LRP1B: variants seen among roughly 807,000 people sequenced by gnomAD.
The protein encoded by LRP1B is LDL receptor related protein 1B.
In LRP1B, 217 loss-of-function variants were observed where a neutral mutation model predicts 556.6. The observed-to-expected ratio is 0.39, with a 90% confidence interval of 0.35 to 0.44. LRP1B has a LOEUF of 0.44. Among genes scored for constraint, LRP1B ranks in the 20% least tolerant of loss-of-function variants. The pLI is 1.00. For synonymous variants in LRP1B, 2,047 were observed against 1,865.8 expected, an observed-to-expected ratio of 1.10 and a Z score of -2.50; for missense variants, 5,053 against 5,620.8, an observed-to-expected ratio of 0.90 and a Z score of 3.23.
intron 3 of LRP1B, among the ~76,000 whole-genome samples, chr2:141,316,278 T>C (rs892649886): frequency 2.0e-5 from 3 of 152,182 alleles, no homozygotes. Context: ...AAATTAAAAA[T>C]GAAGCTTGAG....
chr2:140,413,132 T>A (rs1219315929), intron 66 of LRP1B, among the ~76,000 whole-genome samples: 1 of 152,174 alleles, frequency 6.6e-6, no homozygotes, highest in African/African-American at 2.4e-5. Context: ...GTAGACTGGT[T>A]CCACTATTTT....
chr2:141,639,220 A>G (rs1264182166), intron 2 of LRP1B, among the ~76,000 whole-genome samples: 6 of 138,582 alleles, frequency 4.3e-5, no homozygotes, highest in African/African-American at 1.3e-4. Context: ...TGGTCTTTGC[A>G]TGGTCTCTTC....
At chr2:141,681,319 A>T (rs993084894) in intron 2 of LRP1B, among the ~76,000 whole-genome samples, 3 of 151,976 alleles carry the variant, frequency 2.0e-5, no homozygotes. Context: ...CTATTGATTA[A>T]ATGTATTGTG....
intron 43 of LRP1B, among the ~76,000 whole-genome samples, chr2:140,559,843 T>C (rs1680866723): frequency 6.6e-6 from 1 of 151,408 alleles, no homozygotes; most frequent in South Asian, 2.1e-4. Context: ...TGGAAGAAAC[T>C]AATTGAAATT....
In LRP1B at chr2:140,525,975, T is replaced by C; in HGVS notation, c.7895A>G (p.His2632Arg). The C allele has an allele frequency of 6.2e-7, 1 of 1,612,116 alleles. No individual in the cohort carries two copies. The highest frequency in any genetic ancestry group is 8.5e-7 in the Non-Finnish European group (1 of 1,178,826). The change falls in exon 49 of 91, where the codon CAT (histidine) becomes CGT (arginine). Residue 2632 changes from histidine to arginine, a missense_variant. Coordinates refer to ENST00000389484, the MANE Select transcript of LRP1B (RefSeq NM_018557.3). Reference sequence around the variant, plus strand: ...GGTTTTCACTCCAAGCTTATAGAAATGTGTGCAGTCTGTGTTATCTAGAAG... The same window carrying C: ...GGTTTTCACTCCAAGCTTATAGAAACGTGTGCAGTCTGTGTTATCTAGAAG... ...EKNCNNTDCT[H>R]FYKLGVKTTG...
chr2:141,755,242 A>G (rs1694273857), intron 2 of LRP1B, among the ~76,000 whole-genome samples: 1 of 152,092 alleles, frequency 6.6e-6, no homozygotes, highest in Admixed American at 6.6e-5. Flanking sequence ...TAAACAGGCA[A>G]AATATTATTA....
At chr2:140,657,709 G>A (rs1380754553) in intron 41 of LRP1B, among the ~76,000 whole-genome samples, 2 of 149,676 alleles carry the variant, frequency 1.3e-5, no homozygotes, top group African/African-American at 4.9e-5. Flanking sequence ...TCATCAGTAA[G>A]CTAGAAATTA....
intron 1 of LRP1B, among the ~76,000 whole-genome samples, chr2:141,874,958 G>A (rs1220418671): frequency 6.6e-6 from 1 of 151,420 alleles, no homozygotes; most frequent in Non-Finnish European, 1.5e-5. Context: ...GATTTTATAA[G>A]AGATATTATA....
intron 9 of LRP1B, among the ~76,000 whole-genome samples, chr2:141,056,350 T>C (rs1699178353): frequency 6.6e-6 from 1 of 151,786 alleles, no homozygotes; most frequent in South Asian, 2.1e-4. Flanking sequence ...AATATACCAT[T>C]ATTTCTACAT....
intron 3 of LRP1B, among the ~76,000 whole-genome samples, chr2:141,455,281 T>A (rs1046624913): frequency 6.6e-5 from 10 of 151,778 alleles, no homozygotes; most frequent in African/African-American, 2.4e-4. Context: ...AAAATTAACT[T>A]GTCCTAATCA....
At chr2:140,534,379 C>G (rs1474235648) in intron 46 of LRP1B, among the ~76,000 whole-genome samples, 2 of 152,056 alleles carry the variant, frequency 1.3e-5, no homozygotes, top group African/African-American at 4.8e-5. Flanking sequence ...GAGATCTTTT[C>G]AAGTTATACC....
intron 3 of LRP1B, among the ~76,000 whole-genome samples, chr2:141,477,353 T>C (rs1352867324): frequency 1.3e-5 from 2 of 151,690 alleles, no homozygotes; most frequent in African/African-American, 4.8e-5. Context: ...TGAATTAATC[T>C]GGTTTCTTGA....
intron 7 of LRP1B, among the ~76,000 whole-genome samples, chr2:141,171,180 G>A (rs952450734): frequency 6.6e-6 from 1 of 152,064 alleles, no homozygotes; most frequent in South Asian, 2.1e-4. Context: ...CAATGTTGAT[G>A]CATTATTGTT....
intron 41 of LRP1B, among the ~76,000 whole-genome samples, chr2:140,657,638 T>C (rs1188981950): frequency 1.4e-5 from 2 of 147,334 alleles, no homozygotes; most frequent in African/African-American, 2.5e-5. Flanking sequence ...TACATATATA[T>C]ACATACATAT....
chr2:141,402,034 G>A (rs911089348), intron 3 of LRP1B, among the ~76,000 whole-genome samples: 6 of 152,182 alleles, frequency 3.9e-5, no homozygotes, highest in Non-Finnish European at 7.3e-5. Flanking sequence ...CCACTAAAGG[G>A]TGAGAAGCTG....
chr2:141,251,529 A>T (rs1684260139), intron 4 of LRP1B, among the ~76,000 whole-genome samples: 2 of 152,138 alleles, frequency 1.3e-5, no homozygotes, highest in Non-Finnish European at 2.9e-5. Context: ...CAAATGTGAG[A>T]ATATTTATTG....
At chr2:141,375,997 C>A (rs1049579874) in intron 3 of LRP1B, among the ~76,000 whole-genome samples, 1 of 152,072 alleles carries the variant, frequency 6.6e-6, no homozygotes, top group African/African-American at 2.4e-5. Flanking sequence ...GGAGAGCAGC[C>A]CACTCACATT....
intron 66 of LRP1B, among the ~76,000 whole-genome samples, chr2:140,436,330 A>T (rs1460427114): frequency 6.6e-6 from 1 of 152,308 alleles, no homozygotes; most frequent in Admixed American, 6.5e-5. Flanking sequence ...GGATAATAGC[A>T]TATGTACACA....
intron 83 of LRP1B, among the ~76,000 whole-genome samples, chr2:140,312,581 A>G (rs1684350481): frequency 6.6e-6 from 1 of 151,968 alleles, no homozygotes; most frequent in South Asian, 2.1e-4. Context: ...CTATTTTTCA[A>G]TAACAAATGC....
Sources: gnomAD v4.1 joint callset for allele counts (sites outside exome capture counted in the v4.1 genomes callset) on GRCh38, gnomAD v4.1.1 for gene constraint, MANE v1.5 for transcripts, NCBI Gene and HGNC (gene_info 2026-07-23, HGNC 2026-07-21) for gene names.